SRPRA: variants seen among roughly 807,000 people sequenced by gnomAD.
The protein encoded by SRPRA is SRP receptor subunit alpha, also known as signal recognition particle receptor subunit alpha.
A neutral mutation model predicts 61.1 loss-of-function variants in SRPRA; 30 were observed. That is an observed-to-expected ratio of 0.49 (90% CI 0.37 to 0.67). SRPRA has a LOEUF of 0.67. SRPRA is among the 30% of genes least tolerant of loss of function. The probability of loss-of-function intolerance (pLI) is 0.00; values close to 1 mark genes in which losing one functional copy is unlikely to be tolerated. For missense variants in SRPRA, 759 were observed against 828.4 expected (o/e 0.92, Z 1.03); for synonymous variants, 324 against 299.7 (o/e 1.08, Z -0.84).
chr11:126,245,448 C>CT, the SRPRA span, among the ~76,000 whole-genome samples: 4 of 152,108 alleles, frequency 2.6e-5, no homozygotes, highest in Non-Finnish European at 5.9e-5. Context: ...AGATCAGACA[C>CT]TGAAGGCACC....
the SRPRA span, among the ~76,000 whole-genome samples, chr11:126,256,158 C>T: frequency 6.6e-6 from 1 of 151,916 alleles, no homozygotes; most frequent in East Asian, 1.9e-4. This position sits in a 1 kb window ranked among gnomAD's most constrained non-coding sequence, Gnocchi z 6.6. Flanking sequence ...GTAATATACT[C>T]GGGAGGCTGA....
intron 1 of SRPRA, among the ~76,000 whole-genome samples, chr11:126,268,384 ATC>A (rs1339320386): frequency 6.6e-6 from 1 of 152,222 alleles, no homozygotes; most frequent in Non-Finnish European, 1.5e-5. Flanking sequence ...GTGTTTTCCC[ATC>A]TGTTATTTCA....
At position 126,267,467 on chromosome 11, in the gene SRPRA, C is replaced by A; in HGVS notation, c.365+82G>T. The A allele has an allele frequency of 6.3e-7, 1 of 1,593,030 alleles. No homozygotes were observed. The highest frequency in any genetic ancestry group is 8.6e-7 in the Non-Finnish European group (1 of 1,167,510). ...AAATTAGGAATGTCTTTGAACACATCAATTTACCACCTTTGAACCACCTTC... is the reference window on the plus strand; with the variant it reads ...AAATTAGGAATGTCTTTGAACACATAAATTTACCACCTTTGAACCACCTTC... On this transcript the variant is annotated intron_variant, in intron 3 of 13. Coordinates refer to ENST00000332118, the MANE Select transcript of SRPRA (RefSeq NM_003139.4). This position sits in a 1 kb window ranked among gnomAD's most constrained non-coding sequence, Gnocchi z 4.2.
rs1315296888 is a variant in SRPRA, at chr11:126,265,100, C to T, written c.1384G>A (p.Val462Met). 3.7e-6 allele frequency: 6 copies of T among 1,614,158 alleles called. No individual in the cohort carries two copies. The highest frequency in any genetic ancestry group is 3.4e-6 in the Non-Finnish European group (4 of 1,180,044). Residue 462 changes from valine (V) to methionine (M), a missense_variant, in exon 11 of 14, where the codon GTG (valine) becomes ATG (methionine). Transcript: ENST00000332118. The surrounding 1 kb of genome is among the most constrained non-coding windows in gnomAD (Gnocchi z 6.3). ...AACDTFRAGA[V>M]EQLRTHTRRL... The stretch of plus-strand genomic sequence containing the variant: ...CGGGTGTGTGTACGCAGCTGCTCCA[C>T]GGCCCCAGCACGAAATGTATCACAG...
chr11:126,248,143 C>T, the SRPRA span, among the ~76,000 whole-genome samples: 2 of 149,106 alleles, frequency 1.3e-5, no homozygotes, highest in Non-Finnish European at 3.0e-5. Context: ...AAGACTCTGT[C>T]TCAAGAAAAA....
the SRPRA span, among the ~76,000 whole-genome samples, chr11:126,251,007 A>G: frequency 6.6e-6 from 1 of 152,228 alleles, no homozygotes; most frequent in Non-Finnish European, 1.5e-5. Flanking sequence ...GAACTGTAAG[A>G]TCTCTTTAGC....
the SRPRA span, chr11:126,256,871 C>T: frequency 6.3e-7 from 1 of 1,594,756 alleles, no homozygotes. This position sits in a 1 kb window ranked among gnomAD's most constrained non-coding sequence, Gnocchi z 6.6. Context: ...CATTTTGAAG[C>T]TGAGGGGAAT....
In SRPRA at chr11:126,264,769, G is replaced by T; in HGVS notation, c.1525+190C>A. The T allele has an allele frequency of 1.3e-6, 1 of 757,004 alleles. No individual in the cohort carries two copies. Among genetic ancestry groups the T allele is most frequent in the Non-Finnish European group, 2.1e-6 (1 of 480,036 alleles). 46.9% of individuals were successfully genotyped at this position (757,004 alleles called of 1,614,324 possible). The stretch of plus-strand genomic sequence containing the variant: ...ACCAAATTCAGGTTTCTCTGGTTAA[G>T]GTATATTAGCTTTGCCTGCAACTAC... On this transcript the variant is annotated intron_variant, in intron 11 of 13. Transcript: ENST00000332118. This position sits in a 1 kb window ranked among gnomAD's most constrained non-coding sequence, Gnocchi z 5.0.
Position 126,264,023 on chromosome 11 carries a change from T to C in SRPRA, c.1810A>G (p.Thr604Ala). ...DDKVGAAISM[T>A]YITSKPIVFV... Reference sequence around the variant, plus strand: ...ACGATGGGTTTGCTTGTGATGTACGTCATAGAAATAGCAGCTCCCACCTAA... The same window carrying C: ...ACGATGGGTTTGCTTGTGATGTACGCCATAGAAATAGCAGCTCCCACCTAA... Residue 604 changes from threonine (T) to alanine (A), a missense_variant, in exon 14 of 14, where the codon ACG (threonine) becomes GCG (alanine). By Grantham distance (58) the Thr-to-Ala change is moderately conservative. Transcript: ENST00000332118. The surrounding 1 kb of genome is among the most constrained non-coding windows in gnomAD (Gnocchi z 5.0). 6.2e-7 allele frequency: 1 copy of C among 1,614,064 alleles called. No individual in the cohort carries two copies. The highest frequency in any genetic ancestry group is 8.5e-7 in the Non-Finnish European group (1 of 1,180,008).
rs1950756556 is a variant in SRPRA at position 126,264,074 on chromosome 11, C to T, written c.1789-30G>A. ...GTGGAGAAAGAGGACAGCCCATCAA[C>T]ACAAGCCCACTTTTCACTCACCCTC... On this transcript the variant is annotated intron_variant, in intron 13 of 13. Transcript: ENST00000332118. The surrounding 1 kb of genome is among the most constrained non-coding windows in gnomAD (Gnocchi z 5.0). The T allele has an allele frequency of 2.5e-6, 4 of 1,613,780 alleles. No individual in the cohort carries two copies. The South Asian group carries it at 4.4e-5, about 18-fold the overall frequency.
chr11:126,256,454 A>T, the SRPRA span: 4 of 891,834 alleles, frequency 4.5e-6, no homozygotes, highest in Non-Finnish European at 6.8e-6. The surrounding 1 kb of genome is among the most constrained non-coding windows in gnomAD (Gnocchi z 6.6). Context: ...CAACCCACTT[A>T]AGTCTTGCTT....
chr11:126,267,313 T>C lies in SRPRA; in HGVS notation c.388A>G (p.Ile130Val). Residue 130 changes from isoleucine to valine, a missense_variant, in exon 4 of 14, where the codon ATC (isoleucine) becomes GTC (valine). Ile to Val is a conservative substitution (Grantham distance 29). This residue lies in a region of SRPRA where 475 missense variants were observed against 462.5 expected (regional missense o/e 1.03). Coordinates refer to ENST00000332118, the MANE Select transcript of SRPRA (RefSeq NM_003139.4). This position sits in a 1 kb window ranked among gnomAD's most constrained non-coding sequence, Gnocchi z 4.2. Reference sequence around the variant, plus strand: ...TTCTTCATGGTAGTGGGAGCACGGATCTTACTGCTCTCCTCTGCTTCACTA... The same window carrying C: ...TTCTTCATGGTAGTGGGAGCACGGACCTTACTGCTCTCCTCTGCTTCACTA... ...LLREAEESSK[I>V]RAPTTMKKFE... The C allele has an allele frequency of 1.2e-6, 2 of 1,614,122 alleles. No homozygotes were observed.
At chr11:126,260,662 C>T (rs996999426), downstream of SRPRA, 1 of 152,174 alleles carries the variant, frequency 6.6e-6, no homozygotes, top group Admixed American at 6.5e-5. Flanking sequence ...AGATCAGGAA[C>T]ATTTCAGTAA....
chr11:126,260,159 A>T (rs1950658473), downstream of SRPRA, among the ~76,000 whole-genome samples: 1 of 152,046 alleles, frequency 6.6e-6, no homozygotes, highest in Admixed American at 6.6e-5. Context: ...CAGCCTCCCG[A>T]GTAGCTGAGA....
chr11:126,265,641 G>A lies in SRPRA; in HGVS notation c.1138+96C>T, dbSNP rs754911914. The A allele has an allele frequency of 1.9e-5, 26 of 1,398,692 alleles. No individual in the cohort carries two copies. Among genetic ancestry groups the A allele is most frequent in the African/African-American group, 1.1e-4 (8 of 70,498 alleles). The allele number at this position is 1,398,692 out of a possible 1,614,324, so 86.6% of individuals were successfully genotyped here. ...AAATCTAGGTTACAGAGGTTTAGAG[G>A]TTAAGGAATTTGCCGAAAGTCACAT... On this transcript the variant is annotated intron_variant, in intron 9 of 13. Coordinates refer to ENST00000332118, the MANE Select transcript of SRPRA (RefSeq NM_003139.4). The surrounding 1 kb of genome is among the most constrained non-coding windows in gnomAD (Gnocchi z 6.3).
In SRPRA at chr11:126,265,836, G is replaced by A. The variant is rs11603530; in HGVS notation, c.1052-13C>T. ...GCCACGTTCTTAGCTGAGGAGAGGGGGACAGGTATGTCAGTTCCATGTCAG... is the reference window on the plus strand; with the variant it reads ...GCCACGTTCTTAGCTGAGGAGAGGGAGACAGGTATGTCAGTTCCATGTCAG... On this transcript the variant is annotated splice_polypyrimidine_tract_variant and intron_variant, in intron 8 of 13. Coordinates refer to ENST00000332118, the MANE Select transcript of SRPRA (RefSeq NM_003139.4). The surrounding 1 kb of genome is among the most constrained non-coding windows in gnomAD (Gnocchi z 6.3). 9,603 of 1,614,144 alleles carry A rather than the reference G, an allele frequency of 5.9e-3. 35 individuals are homozygous for A. The highest frequency in any genetic ancestry group is 7.4e-3 in the Middle Eastern group (45 of 6,062).
the SRPRA span, chr11:126,241,055 T>C: frequency 1.1e-4 from 173 of 1,560,632 alleles, 1 homozygote; most frequent in East Asian, 2.3e-3. Context: ...GTGAGTACCC[T>C]AGTATGTGCC....
At chr11:126,252,213 C>G in the SRPRA span, among the ~76,000 whole-genome samples, 2 of 152,176 alleles carry the variant, frequency 1.3e-5, no homozygotes, top group Admixed American at 6.5e-5. The surrounding 1 kb of genome is among the most constrained non-coding windows in gnomAD (Gnocchi z 4.7). Context: ...TCTCGAACTC[C>G]TGACCTCAGG....
downstream of SRPRA, among the ~76,000 whole-genome samples, chr11:126,258,993 C>A (rs1414893391): frequency 6.6e-6 from 1 of 152,158 alleles, no homozygotes; most frequent in Admixed American, 6.5e-5. Flanking sequence ...GAGTAGCTTT[C>A]CCCGAAGTTA....
Sources: gnomAD v4.1 joint callset for allele counts (sites outside exome capture counted in the v4.1 genomes callset) on GRCh38, gnomAD v4.1.1 for gene constraint, gnomAD v4.1.1 regional missense constraint, Gnocchi (gnomAD v3.1) non-coding constraint, MANE v1.5 for transcripts, NCBI Gene and HGNC (gene_info 2026-07-23, HGNC 2026-07-21) for gene names.